Variants in SPIRE1 observed in about 807,000 individuals in gnomAD.
The protein encoded by SPIRE1 is protein spire homolog 1.
In SPIRE1, 40 loss-of-function variants were observed where a neutral mutation model predicts 94.1. That is an observed-to-expected ratio of 0.43 (90% confidence interval 0.33 to 0.55). The LOEUF (loss-of-function observed/expected upper bound fraction) is 0.55, where lower values mean the gene tolerates loss of function less well. SPIRE1 is among the 20% of genes least tolerant of loss of function. SPIRE1 has a pLI of 0.06. For missense variants in SPIRE1, 838 were observed against 975.2 expected (o/e 0.86, Z 1.87); for synonymous variants, 376 against 371.7 (o/e 1.01, Z -0.13).
intron 6 of SPIRE1, among the ~76,000 whole-genome samples, chr18:12,506,236 C>T (rs561313430): frequency 1.2e-4 from 19 of 152,240 alleles, no homozygotes; most frequent in African/African-American, 4.6e-4. Flanking sequence ...TGGGTCACTG[C>T]AACCTCCACC....
In SPIRE1 at chr18:12,466,965, C is replaced by T. The variant is rs145772861; in HGVS notation, c.1405-2007G>A. 1.1e-3 allele frequency among the ~76,000 whole-genome samples: 166 copies of T among 152,208 alleles called. 1 individual carries two copies. Among genetic ancestry groups the T allele is most frequent in the East Asian group, 6.2e-3 (32 of 5,182 alleles). On this transcript the variant is annotated intron_variant, in intron 10 of 16. Transcript: ENST00000409402. ...AAGAACAGGGCGGAAAAAAAGGCCA[C>T]GTAAACGACATAGTTCAAACAAAAA...
chr18:12,639,861 A>G (rs2038036061), intron 1 of SPIRE1, among the ~76,000 whole-genome samples: 1 of 151,552 alleles, frequency 6.6e-6, no homozygotes, highest in South Asian at 2.1e-4. Flanking sequence ...AGAGCCAGAC[A>G]TTGTCTTTAA....
chr18:12,512,388 A>C (rs371820266), intron 5 of SPIRE1, 66 bp downstream of exon 5: 1 of 295,148 alleles, frequency 3.4e-6, no homozygotes, highest in Non-Finnish European at 5.3e-6. Context: ...CTCTGTCTCA[A>C]AAAAAAAAAA....
intron 2 of SPIRE1, among the ~76,000 whole-genome samples, chr18:12,575,312 T>C (rs2036066240): frequency 6.6e-6 from 1 of 152,030 alleles, no homozygotes; most frequent in African/African-American, 2.4e-5. Context: ...ATAAAAAAAT[T>C]AAAATAAAAA....
In SPIRE1 at chr18:12,658,054, A is replaced by T; in HGVS notation, c.-188T>A. 2.0e-6 allele frequency: 2 copies of T among 990,894 alleles called. No individual in the cohort carries two copies. The highest frequency in any genetic ancestry group is 9.2e-5 in the South Asian group (2 of 21,718). The allele number at this position is 990,894 out of a possible 1,614,324, so 61.4% of individuals were successfully genotyped here. On this transcript the variant is annotated 5_prime_UTR_variant, in exon 1 of 17. Coordinates refer to ENST00000409402, the MANE Select transcript of SPIRE1 (RefSeq NM_001128626.2). ...TGGGCAAGAGGAGGGCGGCGAGGAC[A>T]CGGCTGCAGTCCCGGTCAGACAGCC...
intron 6 of SPIRE1, among the ~76,000 whole-genome samples, chr18:12,502,002 G>A (rs1422051846): frequency 2.0e-5 from 3 of 152,098 alleles, no homozygotes; most frequent in African/African-American, 7.2e-5. Context: ...CAGGAGAAAC[G>A]TAATTATTTA....
chr18:12,650,876 C>CAAAAAAAA (rs34966832), intron 1 of SPIRE1, among the ~76,000 whole-genome samples: 1 of 74,234 alleles, frequency 1.3e-5, no homozygotes, highest in African/African-American at 5.4e-5. Flanking sequence ...GACCCTGTCT[C>CAAAAAAAA]AAAAAAAAAA....
chr18:12,514,531 T>C (rs2034139561), intron 4 of SPIRE1, among the ~76,000 whole-genome samples: 1 of 152,156 alleles, frequency 6.6e-6, no homozygotes, highest in Non-Finnish European at 1.5e-5. Flanking sequence ...AGGTGCTTAG[T>C]AAATATTTCT....
intron 2 of SPIRE1, among the ~76,000 whole-genome samples, chr18:12,622,652 G>A (rs1162920860): frequency 6.6e-6 from 1 of 151,240 alleles, no homozygotes; most frequent in Non-Finnish European, 1.5e-5. Context: ...TCGATCTCCT[G>A]ACCTCGTGAT....
At position 12,454,563 on chromosome 18, in the gene SPIRE1, C is replaced by G. The variant is rs143308799; in HGVS notation, c.1639-80G>C. On this transcript the variant is annotated intron_variant, in intron 12 of 16. Coordinates refer to ENST00000409402, the MANE Select transcript of SPIRE1 (RefSeq NM_001128626.2). ...GCAAAATTTCCCTTCAGATCAGACC[C>G]CTGATTAGTAGCTTCAGAGAAGAGA... 1,436 of 1,309,718 alleles carry G rather than the reference C, an allele frequency of 1.1e-3. 9 individuals carry two copies. The African/African-American group carries it at 0.02, about 19-fold the overall frequency. 81.1% of individuals were successfully genotyped at this position (1,309,718 alleles called of 1,614,324 possible).
At chr18:12,540,794 G>A (rs2034992454) in intron 3 of SPIRE1, among the ~76,000 whole-genome samples, 1 of 152,298 alleles carries the variant, frequency 6.6e-6, no homozygotes, top group African/African-American at 2.4e-5. Context: ...GTTATCTATG[G>A]TCAACTGCAT....
At chr18:12,660,431 C>T (rs776815427), upstream of SPIRE1, among the ~76,000 whole-genome samples, 16 of 151,628 alleles carry the variant, frequency 1.1e-4, no homozygotes, top group Non-Finnish European at 2.1e-4. Context: ...AGATGATTCT[C>T]GTGCCTCGGC....
At chr18:12,516,039 AT>A (rs1283497533) in intron 4 of SPIRE1, 18 of 152,330 alleles carry the variant, frequency 1.2e-4, no homozygotes, top group South Asian at 4.1e-4. Flanking sequence ...CATTAAAAAA[AT>A]ATTACAACAG....
chr18:12,489,000 A>G (rs887681545), intron 8 of SPIRE1, among the ~76,000 whole-genome samples: 6 of 151,920 alleles, frequency 3.9e-5, no homozygotes, highest in Non-Finnish European at 8.8e-5. Context: ...CCTGGCTAAC[A>G]TGGTGAAACC....
intron 9 of SPIRE1, among the ~76,000 whole-genome samples, chr18:12,481,355 G>A (rs1268169453): frequency 3.4e-5 from 5 of 148,430 alleles, no homozygotes; most frequent in Non-Finnish European, 7.4e-5. Context: ...CCTTAAGTAC[G>A]AGAGGTAGAG....
At chr18:12,543,331 C>A (rs565914385) in intron 3 of SPIRE1, among the ~76,000 whole-genome samples, 3 of 152,204 alleles carry the variant, frequency 2.0e-5, no homozygotes, top group Non-Finnish European at 4.4e-5. Flanking sequence ...GTCACCCAGG[C>A]TTGAGTGCAA....
intron 5 of SPIRE1, among the ~76,000 whole-genome samples, chr18:12,511,689 A>G (rs1225037757): frequency 3.9e-5 from 6 of 152,180 alleles, no homozygotes; most frequent in Non-Finnish European, 7.3e-5. Flanking sequence ...TCAAATTTAC[A>G]TATCAATTCA....
intron 2 of SPIRE1, among the ~76,000 whole-genome samples, chr18:12,634,851 C>T (rs746670783): frequency 3.3e-5 from 5 of 151,596 alleles, no homozygotes; most frequent in Admixed American, 6.6e-5. Flanking sequence ...GGGAGAATCG[C>T]TTGAACTCAA....
At chr18:12,546,947 G>C (rs1240573071) in intron 2 of SPIRE1, 43 bp from the exon 3 acceptor site, 11 of 1,398,676 alleles carry the variant, frequency 7.9e-6, no homozygotes, top group Non-Finnish European at 1.1e-5. Flanking sequence ...TGAATGAAGA[G>C]CTTTCTAGGA....
Sources: allele counts gnomAD v4.1 joint callset (sites outside exome capture counted in the v4.1 genomes callset), GRCh38; gene constraint gnomAD v4.1.1; transcripts MANE v1.5; gene names NCBI Gene and HGNC (gene_info 2026-07-23, HGNC 2026-07-21).